The following PCBP3 variants were observed in gnomAD, a reference collection of about 807,000 sequenced individuals.
PCBP3 encodes poly(rC)-binding protein 3.
PCBP3 carries 25 observed loss-of-function variants against 52.7 expected under a neutral mutation model. The observed-to-expected ratio is 0.47, with a 90% CI of 0.35 to 0.66. The LOEUF (loss-of-function observed/expected upper bound fraction) is 0.66, where lower values mean the gene tolerates loss of function less well. Among genes scored for constraint, PCBP3 ranks in the 30% least tolerant of loss-of-function variants. PCBP3 has a pLI of 0.01. For synonymous variants in PCBP3, 162 were observed against 183.0 expected, an observed-to-expected ratio of 0.89 and a Z score of 0.93; for missense variants, 391 against 490.3, an observed-to-expected ratio of 0.80 and a Z score of 1.91.
intron 5 of PCBP3, among the ~76,000 whole-genome samples, chr21:45,885,561 C>T (rs960184312): frequency 2.0e-5 from 3 of 152,110 alleles, no homozygotes; most frequent in African/African-American, 7.2e-5. Flanking sequence ...TCTCAGGGGC[C>T]CCATCTGTGT....
At chr21:45,822,521 G>A (rs1168046443) in intron 4 of PCBP3, among the ~76,000 whole-genome samples, 4 of 152,044 alleles carry the variant, frequency 2.6e-5, no homozygotes, top group East Asian at 1.9e-4. Context: ...AGTGAGGGGC[G>A]GATATGGCAT....
intron 2 of PCBP3, among the ~76,000 whole-genome samples, chr21:45,710,741 C>T (rs2083781099): frequency 6.6e-6 from 1 of 152,174 alleles, no homozygotes; most frequent in East Asian, 1.9e-4. Flanking sequence ...TTGTGCTCTG[C>T]CTCACTGAGG....
intron 4 of PCBP3, among the ~76,000 whole-genome samples, chr21:45,815,383 AGTGAGTG>A (rs1257377390): frequency 1.0e-3 from 57 of 55,734 alleles, no homozygotes; most frequent in African/African-American, 4.0e-3. Flanking sequence ...GTGAGTGGTG[AGTGAGTG>A]GTGAGTGGTG....
intron 3 of PCBP3, chr21:45,744,131 T>C (rs907779931): frequency 4.0e-5 from 6 of 151,728 alleles, no homozygotes; most frequent in Admixed American, 2.0e-4. Flanking sequence ...TATATATATA[T>C]ACATATGTAT....
At chr21:45,886,794 G>C (rs548230328) in intron 5 of PCBP3, among the ~76,000 whole-genome samples, 1 of 152,192 alleles carries the variant, frequency 6.6e-6, no homozygotes, top group Admixed American at 6.5e-5. Flanking sequence ...TGACACCAGG[G>C]GGCAAGGACT....
At chr21:45,700,545 A>G (rs1042266277) in intron 2 of PCBP3, among the ~76,000 whole-genome samples, 1 of 152,148 alleles carries the variant, frequency 6.6e-6, no homozygotes, top group Non-Finnish European at 1.5e-5. Context: ...CTCCACAGGG[A>G]CAGTTCCTTC....
At chr21:45,835,781 G>C (rs563833899) in intron 4 of PCBP3, among the ~76,000 whole-genome samples, 2 of 152,154 alleles carry the variant, frequency 1.3e-5, no homozygotes, top group East Asian at 3.9e-4. Context: ...GCTTGGGCCA[G>C]GGACAGGCAG....
At chr21:45,898,360 G>A (rs141111584) in intron 6 of PCBP3, among the ~76,000 whole-genome samples, 3,226 of 36,910 alleles carry the variant, frequency 0.087, 536 homozygotes, top group African/African-American at 0.17. Context: ...CCATCCTCAT[G>A]GTCTCCCTCT....
chr21:45,883,114 A>G (rs2095440291), intron 5 of PCBP3, among the ~76,000 whole-genome samples: 1 of 152,088 alleles, frequency 6.6e-6, no homozygotes, highest in Non-Finnish European at 1.5e-5. Flanking sequence ...CATTCAGGTC[A>G]ATGTGTTTTT....
At chr21:45,820,386 G>T (rs1447809698) in intron 4 of PCBP3, among the ~76,000 whole-genome samples, 2 of 152,226 alleles carry the variant, frequency 1.3e-5, no homozygotes, top group African/African-American at 4.8e-5. Flanking sequence ...CCACGGATAG[G>T]AGTGCCAGGC....
intron 2 of PCBP3, among the ~76,000 whole-genome samples, chr21:45,694,430 G>T (rs547423956): frequency 1.3e-5 from 2 of 152,228 alleles, no homozygotes; most frequent in African/African-American, 4.8e-5. Context: ...CTTTATTACT[G>T]TAGTCAAAAT....
intron 2 of PCBP3, among the ~76,000 whole-genome samples, chr21:45,716,147 G>T (rs758248937): frequency 3.3e-5 from 5 of 152,022 alleles, no homozygotes; most frequent in Non-Finnish European, 7.4e-5. Context: ...TTCGTATATA[G>T]TATGAAATAG....
Position 45,928,364 on chromosome 21 carries a change from G to A in PCBP3, c.718-1553G>A, listed in dbSNP as rs2075754951. ...CAGCCCAGACCTGGCTGCAAGGCCAGGGGTTGGGGAGGGGCAGGGCTGGGG... is the reference window on the plus strand; with the variant it reads ...CAGCCCAGACCTGGCTGCAAGGCCAAGGGTTGGGGAGGGGCAGGGCTGGGG... On this transcript the variant is annotated intron_variant, in intron 13 of 17. Transcript: ENST00000681687. The surrounding 1 kb of genome is among the most constrained non-coding windows in gnomAD (Gnocchi z 4.1). 1.3e-5 allele frequency among the ~76,000 whole-genome samples: 2 copies of A among 152,116 alleles called. No homozygotes were observed. The highest frequency in any genetic ancestry group is 2.9e-5 in the Non-Finnish European group (2 of 68,006).
chr21:45,865,300 T>C (rs2094671490), intron 5 of PCBP3, among the ~76,000 whole-genome samples: 1 of 152,198 alleles, frequency 6.6e-6, no homozygotes, highest in Admixed American at 6.5e-5. Context: ...TGCCTGCTCA[T>C]GTTTAAAAAA....
intron 5 of PCBP3, among the ~76,000 whole-genome samples, chr21:45,883,531 AC>A (rs1319773773): frequency 1.3e-5 from 2 of 152,122 alleles, no homozygotes; most frequent in African/African-American, 2.4e-5. Flanking sequence ...TCTTTTCACT[AC>A]TATTAGTTTC....
chr21:45,929,974 C>T lies in PCBP3; in HGVS notation c.775C>T (p.Gln259Ter). Residue 259 changes from glutamine to a stop codon, truncating the protein, a stop_gained, in exon 14 of 18, where the codon CAG becomes TAG. Transcript: ENST00000681687. LOFTEE classifies it high-confidence loss of function. ...GCAAACCCCCTTTCCTCCCCTCGGACAGACCAACCCCGCTTTCCCCGGTAC... is the reference window on the plus strand; with the variant it reads ...GCAAACCCCCTTTCCTCCCCTCGGATAGACCAACCCCGCTTTCCCCGGTAC... ...MQQTPFPPLG[Q>*]TNPAFPGEKL... The T allele has an allele frequency of 6.2e-7, 1 of 1,613,598 alleles. No homozygotes were observed. The highest frequency in any genetic ancestry group is 8.5e-7 in the Non-Finnish European group (1 of 1,179,658).
intron 2 of PCBP3, among the ~76,000 whole-genome samples, chr21:45,687,943 G>A (rs2082247837): frequency 6.6e-6 from 1 of 152,062 alleles, no homozygotes; most frequent in African/African-American, 2.4e-5. Context: ...GTGTTAGCCA[G>A]GATGGTCTTC....
intron 4 of PCBP3, among the ~76,000 whole-genome samples, chr21:45,775,913 G>A (rs944186203): frequency 6.6e-6 from 1 of 152,124 alleles, no homozygotes; most frequent in African/African-American, 2.4e-5. Context: ...CCAGTTCCTT[G>A]AGATGCATTA....
At position 45,837,705 on chromosome 21, in the gene PCBP3, T is replaced by C. The variant is rs1569292283; in HGVS notation, c.-125-12256T>C. On this transcript the variant is annotated intron_variant, in intron 4 of 17. Coordinates refer to ENST00000681687, the MANE Select transcript of PCBP3 (RefSeq NM_001384156.1). The surrounding 1 kb of genome is among the most constrained non-coding windows in gnomAD (Gnocchi z 4.1). ...CGATTCCACTCAGATTTATTTTTCC[T>C]GTGAGGCGAGCGAGCTTCCTAGGTG... Among the ~76,000 whole-genome samples the C allele has an allele frequency of 6.6e-6, 1 of 152,198 alleles. No homozygotes were observed. The highest frequency in any genetic ancestry group is 2.1e-4 in the South Asian group (1 of 4,830).
Sources: allele counts gnomAD v4.1 joint callset (sites outside exome capture counted in the v4.1 genomes callset), GRCh38; gene constraint gnomAD v4.1.1; non-coding constraint Gnocchi (gnomAD v3.1); transcripts MANE v1.5; gene names NCBI Gene and HGNC (gene_info 2026-07-23, HGNC 2026-07-21).